The following ITGAV variants were observed in gnomAD, a reference collection of about 807,000 sequenced individuals.
The protein encoded by ITGAV is integrin subunit alpha V.
A neutral mutation model predicts 143.8 loss-of-function variants in ITGAV; 76 were observed. The ratio of observed to expected loss-of-function variants is 0.53; its 90% confidence interval spans 0.44 to 0.64. The LOEUF is 0.64. Ranked by LOEUF, ITGAV falls within the 30% of genes least tolerant of loss-of-function variation. ITGAV has a pLI of 0.00. For synonymous variants in ITGAV, 453 were observed against 446.7 expected (o/e 1.01, Z -0.18); for missense variants, 1,193 against 1,274.7 (o/e 0.94, Z 0.98).
chr2:186,673,223 A>T (rs976157794), intron 26 of ITGAV, among the ~76,000 whole-genome samples: 1 of 152,236 alleles, frequency 6.6e-6, no homozygotes, highest in Non-Finnish European at 1.5e-5. Flanking sequence ...AGATGAATTG[A>T]TTATAAATAT....
Position 186,640,975 on chromosome 2 carries a change from T to A in ITGAV, c.956+8T>A, listed in dbSNP as rs61765181. 1.5e-3 allele frequency: 2,398 copies of A among 1,565,206 alleles called. 32 individuals are homozygous for A. In the African/African-American group the frequency reaches 0.03, roughly 19 times the overall value. On this transcript the variant is annotated splice_region_variant and intron_variant, in intron 11 of 29. Transcript: ENST00000261023. ...TGACATTAATGGAGATGAGTAAGTT[T>A]AAAAAAAAATGTTTCCAGAAAGTTA... is the stretch of plus-strand genomic sequence containing the variant.
chr2:186,677,489 G>T lies in ITGAV; in HGVS notation c.*197G>T. The T allele has an allele frequency of 2.0e-6, 1 of 494,470 alleles. No homozygotes were observed. 30.6% of individuals were successfully genotyped at this position (494,470 alleles called of 1,614,324 possible). ...TTCAGACATACATTTAATAACATAG[G>T]GTGACTTGTGTTTTTAGGTATTTAA... On this transcript the variant is annotated 3_prime_UTR_variant, in exon 30 of 30. Transcript: ENST00000261023.
chr2:186,600,224 T>G (rs1398733579), intron 1 of ITGAV: 2 of 979,548 alleles, frequency 2.0e-6, no homozygotes, highest in Middle Eastern at 2.1e-4. Flanking sequence ...TCCTGGAGAT[T>G]CAATTCTTTC....
chr2:186,622,384 A>G lies in ITGAV; in HGVS notation c.362A>G (p.His121Arg), dbSNP rs200441010. 1.2e-5 allele frequency: 19 copies of G among 1,613,944 alleles called. No individual in the cohort carries two copies. The highest frequency in any genetic ancestry group is 1.6e-5 in the Non-Finnish European group (19 of 1,179,844). Residue 121 changes from histidine to arginine, a missense_variant, in exon 3 of 30, where the codon CAT becomes CGT. By Grantham distance (29) the His-to-Arg change is conservative. Coordinates refer to ENST00000261023, the MANE Select transcript of ITGAV (RefSeq NM_002210.5). ...GATGATCCATTGGAATTTAAGTCCC[A>G]TCAGTGGTTTGGAGCATCTGTGAGG... ...AKDDPLEFKSHQWFGASVRSK... is the reference protein window; with the variant it reads ...AKDDPLEFKSRQWFGASVRSK...
At chr2:186,648,045 C>T (rs1020003699) in intron 13 of ITGAV, among the ~76,000 whole-genome samples, 1 of 152,142 alleles carries the variant, frequency 6.6e-6, no homozygotes, top group African/African-American at 2.4e-5. Flanking sequence ...CTTTTATATG[C>T]TATTCATAGT....
At chr2:186,643,702 C>G (rs1025871467) in intron 12 of ITGAV, among the ~76,000 whole-genome samples, 4 of 151,912 alleles carry the variant, frequency 2.6e-5, no homozygotes, top group African/African-American at 9.7e-5. Flanking sequence ...TTTATCAGTA[C>G]TTTTCCAGAA....
chr2:186,610,132 A>G lies in ITGAV; in HGVS notation c.316+7981A>G, dbSNP rs184808684. On this transcript the variant is annotated intron_variant, in intron 2 of 29. Coordinates refer to ENST00000261023, the MANE Select transcript of ITGAV (RefSeq NM_002210.5). ...TTTTTGGTAAAATGATAGAAGTTAC[A>G]TGAAATAATGAATATTATCATATAC... Among the ~76,000 whole-genome samples the G allele has an allele frequency of 1.3e-4, 20 of 152,296 alleles. No individual in the cohort carries two copies. The East Asian group carries it at 3.9e-3, about 29-fold the overall frequency.
chr2:186,678,020 T>C lies in ITGAV; in HGVS notation c.*728T>C, dbSNP rs1398143237. On this transcript the variant is annotated 3_prime_UTR_variant, in exon 30 of 30. Coordinates refer to ENST00000261023, the MANE Select transcript of ITGAV (RefSeq NM_002210.5). ...CAACCTATACTAAAAATTAGTTCCA[T>C]AATCACAAATGGCTCTTTTGTGTAA... 6.6e-6 allele frequency: 1 copy of C among 152,148 alleles called. No individual in the cohort carries two copies. The highest frequency in any genetic ancestry group is 1.5e-5 in the Non-Finnish European group (1 of 67,980). 9.4% of individuals were successfully genotyped at this position (152,148 alleles called of 1,614,324 possible).
rs61765184 is a variant in ITGAV at position 186,644,841 on chromosome 2, A to T, written c.1160-1845A>T. On this transcript the variant is annotated intron_variant, in intron 12 of 29. Coordinates refer to ENST00000261023, the MANE Select transcript of ITGAV (RefSeq NM_002210.5). Reference sequence around the variant, plus strand: ...TGTTTAAAAAAAAAAAAGTACCTCAATGTGATCATCACAGTGTTTGAGATC... The same window carrying T: ...TGTTTAAAAAAAAAAAAGTACCTCATTGTGATCATCACAGTGTTTGAGATC... Among the ~76,000 whole-genome samples the T allele has an allele frequency of 9.9e-4, 150 of 152,140 alleles. No homozygotes were observed. In the Middle Eastern group the frequency reaches 0.01, roughly 10 times the overall value.
At chr2:186,604,991 A>G (rs1436000287) in intron 2 of ITGAV, among the ~76,000 whole-genome samples, 3 of 152,194 alleles carry the variant, frequency 2.0e-5, no homozygotes, top group Non-Finnish European at 4.4e-5. Flanking sequence ...CTATTGCCCT[A>G]GATTTCTGAA....
In ITGAV at chr2:186,602,155, A is replaced by C. The variant is rs1320704889; in HGVS notation, c.316+4A>C. 1 of 1,600,084 alleles carries C rather than the reference A, an allele frequency of 6.2e-7. No homozygotes were observed. The highest frequency in any genetic ancestry group is 8.5e-7 in the Non-Finnish European group (1 of 1,175,224). On this transcript the variant is annotated splice_donor_region_variant and intron_variant, in intron 2 of 29. Coordinates refer to ENST00000261023, the MANE Select transcript of ITGAV (RefSeq NM_002210.5). ...CCAATTGAATTTGATGCAACAGGTA[A>C]ATTTTGATGCACAATTTTCTTTTCA...
chr2:186,635,209 C>T (rs1687918029), intron 6 of ITGAV, among the ~76,000 whole-genome samples: 1 of 151,850 alleles, frequency 6.6e-6, no homozygotes, highest in South Asian at 2.1e-4. Flanking sequence ...CAGATGTCAC[C>T]CTGGATAAGT....
At chr2:186,593,533 C>G (rs1168817150) in intron 1 of ITGAV, among the ~76,000 whole-genome samples, 1 of 151,392 alleles carries the variant, frequency 6.6e-6, no homozygotes, top group African/African-American at 2.4e-5. Flanking sequence ...TGTATGCAGG[C>G]TAATAATTAG....
chr2:186,654,332 CAA>C (rs199965377), intron 15 of ITGAV, among the ~76,000 whole-genome samples: 24 of 84,756 alleles, frequency 2.8e-4, no homozygotes, highest in Admixed American at 2.7e-4. Flanking sequence ...GACTCTGTCT[CAA>C]AAAAAAAAAA....
At chr2:186,642,976 AAC>A (rs1688150978) in intron 12 of ITGAV, among the ~76,000 whole-genome samples, 2 of 152,224 alleles carry the variant, frequency 1.3e-5, no homozygotes, top group Admixed American at 6.5e-5. Flanking sequence ...ATGTGAAAAG[AAC>A]ACTATATAAC....
rs756061585 is a variant in ITGAV at position 186,638,513 on chromosome 2, G to A, written c.903+48G>A. On this transcript the variant is annotated intron_variant, in intron 10 of 29. Coordinates refer to ENST00000261023, the MANE Select transcript of ITGAV (RefSeq NM_002210.5). Reference sequence around the variant, plus strand: ...TCCTCTCCCACTATAAAAGCAGTATGTACTCATTGGAGAAAATTTGCGAAA... The same window carrying A: ...TCCTCTCCCACTATAAAAGCAGTATATACTCATTGGAGAAAATTTGCGAAA... 16 of 1,425,300 alleles carry A rather than the reference G, an allele frequency of 1.1e-5. No individual in the cohort carries two copies. The South Asian group carries it at 1.7e-4, about 15-fold the overall frequency. 88.3% of individuals were successfully genotyped at this position (1,425,300 alleles called of 1,614,324 possible). A position where few individuals can be genotyped will look rare whatever the true frequency, so the allele number is the denominator to read the frequency against.
At chr2:186,597,481 T>A (rs1174745081) in intron 1 of ITGAV, among the ~76,000 whole-genome samples, 1 of 152,252 alleles carries the variant, frequency 6.6e-6, no homozygotes, top group Non-Finnish European at 1.5e-5. Flanking sequence ...GTTACTCCAC[T>A]GTCCATTTAA....
intron 2 of ITGAV, among the ~76,000 whole-genome samples, chr2:186,608,764 G>A (rs1687135975): frequency 6.6e-6 from 1 of 152,112 alleles, no homozygotes; most frequent in Non-Finnish European, 1.5e-5. Context: ...TTCCATGCAA[G>A]TTTTGGGCTC....
At chr2:186,640,825 A>T (rs1276596489) in intron 10 of ITGAV, 90 bp from the exon 11 acceptor site, 6 of 1,027,310 alleles carry the variant, frequency 5.8e-6, no homozygotes, top group Non-Finnish European at 7.2e-6. Context: ...GAGAAAAAAA[A>T]TAACCCTATT....
Sources: gnomAD v4.1 joint callset for allele counts (sites outside exome capture counted in the v4.1 genomes callset) on GRCh38, gnomAD v4.1.1 for gene constraint, MANE v1.5 for transcripts, NCBI Gene and HGNC (gene_info 2026-07-23, HGNC 2026-07-21) for gene names.